The following SLIT1 variants were observed in gnomAD, a reference collection of about 807,000 sequenced individuals.
SLIT1 encodes the protein slit guidance ligand 1.
Under a neutral mutation model 186.1 loss-of-function variants are expected in SLIT1, and 66 were observed. The observed-to-expected ratio is 0.35, with a 90% confidence interval of 0.29 to 0.44. The LOEUF is 0.44. SLIT1 is among the 20% of genes least tolerant of loss of function. The pLI, the probability that SLIT1 is intolerant of heterozygous loss-of-function variation, is 1.00. For synonymous variants in SLIT1, 761 were observed against 833.8 expected (o/e 0.91, Z 1.50); for missense variants, 1,638 against 2,037.4 (o/e 0.80, Z 3.77).
chr10:97,038,377 C>T (rs182554813), intron 21 of SLIT1, among the ~76,000 whole-genome samples: 4 of 152,306 alleles, frequency 2.6e-5, no homozygotes, highest in Admixed American at 2.6e-4. Context: ...CACCCATGCC[C>T]GGGCTCCTGC....
chr10:97,002,499 C>T (rs1237754663), intron 35 of SLIT1, 130 bp from the exon 36 acceptor site: 1 of 594,174 alleles, frequency 1.7e-6, no homozygotes, highest in Non-Finnish European at 2.7e-6. Context: ...GTTCCCAAAA[C>T]TGAAACAAAG....
intron 4 of SLIT1, among the ~76,000 whole-genome samples, chr10:97,097,071 A>G (rs755797301): frequency 1.3e-5 from 2 of 152,148 alleles, no homozygotes; most frequent in Admixed American, 6.5e-5. Context: ...ACCCCAAAAG[A>G]GGCTGACCCT....
chr10:97,182,793 G>A (rs547573646), intron 1 of SLIT1, among the ~76,000 whole-genome samples: 2 of 152,198 alleles, frequency 1.3e-5, no homozygotes, highest in African/African-American at 4.8e-5. Context: ...TGCCCATATC[G>A]GGCCAGGCAT....
chr10:97,135,642 C>T (rs1849695537), intron 4 of SLIT1, among the ~76,000 whole-genome samples: 1 of 152,180 alleles, frequency 6.6e-6, no homozygotes, highest in Admixed American at 6.5e-5. Flanking sequence ...GTACCCACAG[C>T]TCAGGCGCTC....
chr10:97,115,524 C>T (rs913244666), intron 4 of SLIT1, among the ~76,000 whole-genome samples: 3 of 152,128 alleles, frequency 2.0e-5, no homozygotes, highest in African/African-American at 7.2e-5. Context: ...AAGCCTGGAG[C>T]CAGGCACCAC....
chr10:97,163,565 AG>A, intron 2 of SLIT1, 114 bp from the exon 3 acceptor site: 1 of 840,118 alleles, frequency 1.2e-6, no homozygotes, highest in South Asian at 1.4e-5. Context: ...TTAGCAAGGG[AG>A]TAAGACAGGA....
intron 4 of SLIT1, among the ~76,000 whole-genome samples, chr10:97,105,517 T>C (rs1849404630): frequency 6.6e-6 from 1 of 152,128 alleles, no homozygotes; most frequent in Non-Finnish European, 1.5e-5. Context: ...GACCGTGGTG[T>C]AATGAGAGCA....
chr10:97,014,297 T>G (rs1848436068), intron 28 of SLIT1, 139 bp from the exon 29 acceptor site: 1 of 917,314 alleles, frequency 1.1e-6, no homozygotes, highest in African/African-American at 1.6e-5. Context: ...TGGGTAGGGT[T>G]AGAGGTGACC....
At chr10:97,064,761 C>T in intron 6 of SLIT1, 44 bp downstream of exon 6, 4 of 1,473,700 alleles carry the variant, frequency 2.7e-6, no homozygotes, top group Non-Finnish European at 3.7e-6. Flanking sequence ...ACCTGCCTAG[C>T]AGGGCCCTCC....
chr10:97,004,102 G>T lies in SLIT1; in HGVS notation c.3831C>A (p.Tyr1277Ter). ...AGAGTGGCGCCTCGCTGTTGAGCGT[G>T]TAATGTTTGCCAAAGTTGTCCATGG... Reference protein sequence around the residue: ...PMTMDNFGKHYTLNSEAPLYV... With the variant: ...PMTMDNFGKH Residue 1277 changes from tyrosine (Y) to a stop codon, truncating the protein, a stop_gained, in exon 34 of 37, where the codon TAC (tyrosine) becomes TAA (stop). Transcript: ENST00000266058. LOFTEE classifies it high-confidence loss of function. This position sits in a 1 kb window ranked among gnomAD's most constrained non-coding sequence, Gnocchi z 5.1. 1 of 1,613,624 alleles carries T rather than the reference G, an allele frequency of 6.2e-7. No homozygotes were observed. Among genetic ancestry groups the T allele is most frequent in the Non-Finnish European group, 8.5e-7 (1 of 1,179,542 alleles).
chr10:97,043,466 G>A lies in SLIT1; in HGVS notation c.1901C>T (p.Thr634Met), dbSNP rs1450724275. Residue 634 changes from threonine to methionine, a missense_variant, in exon 19 of 37, where the codon ACG becomes ATG. Thr to Met is a moderately conservative substitution (Grantham distance 81). This residue lies in a region of SLIT1 where 1,245 missense variants were observed against 1,535.3 expected (regional missense o/e 0.81). Coordinates refer to ENST00000266058, the MANE Select transcript of SLIT1 (RefSeq NM_003061.3). The surrounding 1 kb of genome is among the most constrained non-coding windows in gnomAD (Gnocchi z 7.0). The part of the protein sequence containing the change: ...RISCIHNDSF[T>M]GLRNVRLLSL... ...GAGGAGCCGGACGTTGCGCAGGCCC[G>A]TGAAGCTGTCGTTGTGGATGCAGCT... The A allele has an allele frequency of 6.8e-6, 11 of 1,613,948 alleles. No individual in the cohort carries two copies. The highest frequency in any genetic ancestry group is 1.7e-5 in the Admixed American group (1 of 60,022).
intron 4 of SLIT1, among the ~76,000 whole-genome samples, chr10:97,116,398 C>T (rs1448846160): frequency 2.0e-5 from 3 of 152,156 alleles, no homozygotes; most frequent in Non-Finnish European, 4.4e-5. Context: ...CTGTCCGGAG[C>T]CCTGGGGTCA....
At position 97,179,804 on chromosome 10, in the gene SLIT1, C is replaced by CA. The variant is rs1183277776; in HGVS notation, c.197+5673_197+5674insT. 1.7e-3 allele frequency among the ~76,000 whole-genome samples: 254 copies of CA among 149,374 alleles called. 14 individuals are homozygous for CA. The highest frequency in any genetic ancestry group is 2.7e-3 in the Non-Finnish European group (180 of 66,848). The stretch of plus-strand genomic sequence containing the variant: ...AGGAGCCAATTCTCCACACCCTCCC[C>CA]GCCCCCCGGCACAGCCCAGCTCCCT... On this transcript the variant is annotated intron_variant, in intron 1 of 36. Transcript: ENST00000266058.
intron 28 of SLIT1, among the ~76,000 whole-genome samples, chr10:97,016,136 C>T (rs1489536741): frequency 6.6e-6 from 1 of 152,032 alleles, no homozygotes; most frequent in Non-Finnish European, 1.5e-5. Context: ...TGGTGAAACC[C>T]CGTCTCTACT....
intron 24 of SLIT1, 54 bp from the exon 25 acceptor site, chr10:97,030,882 T>C (rs536929814): frequency 1.3e-6 from 2 of 1,489,180 alleles, no homozygotes; most frequent in Middle Eastern, 1.7e-4. Context: ...ATGGGAGACC[T>C]GCTGGAGGGA....
At chr10:97,144,013 C>T (rs1206914294) in intron 4 of SLIT1, among the ~76,000 whole-genome samples, 1 of 152,152 alleles carries the variant, frequency 6.6e-6, no homozygotes, top group Non-Finnish European at 1.5e-5. Flanking sequence ...GCCTGGCCAA[C>T]ATGGCGAAAC....
At position 97,184,611 on chromosome 10, in the gene SLIT1, C is replaced by T. The variant is rs1342353123; in HGVS notation, c.197+867G>A. 6.6e-6 allele frequency among the ~76,000 whole-genome samples: 1 copy of T among 152,128 alleles called. No homozygotes were observed. Among genetic ancestry groups the T allele is most frequent in the Non-Finnish European group, 1.5e-5 (1 of 68,020 alleles). On this transcript the variant is annotated intron_variant, in intron 1 of 36. Coordinates refer to ENST00000266058, the MANE Select transcript of SLIT1 (RefSeq NM_003061.3). This position sits in a 1 kb window ranked among gnomAD's most constrained non-coding sequence, Gnocchi z 4.4. ...AACACACACACACACATTCTACTAG[C>T]TTACTGGGTCTAGAAAAGAAAAGGA... is the stretch of plus-strand genomic sequence containing the variant.
chr10:97,173,474 G>C (rs1466156880), intron 1 of SLIT1, among the ~76,000 whole-genome samples: 2 of 151,854 alleles, frequency 1.3e-5, no homozygotes, highest in Non-Finnish European at 2.9e-5. Context: ...ACAGGCCTGG[G>C]CTGGAATCCC....
rs191174765 is a variant in SLIT1, at chr10:97,145,518, T to C, written c.413+12300A>G. Among the ~76,000 whole-genome samples, 518 of 152,308 alleles carry C rather than the reference T, an allele frequency of 3.4e-3. 5 individuals are homozygous for C. Among genetic ancestry groups the C allele is most frequent in the African/African-American group, 0.012 (502 of 41,558 alleles). On this transcript the variant is annotated intron_variant, in intron 4 of 36. Transcript: ENST00000266058. ...AGGCACAATTCTGATGTGAGAAGCCTGACCCCTCTCTGCCGGGCTGTAGTC... is the reference window on the plus strand; with the variant it reads ...AGGCACAATTCTGATGTGAGAAGCCCGACCCCTCTCTGCCGGGCTGTAGTC...
Sources: allele counts gnomAD v4.1 joint callset (sites outside exome capture counted in the v4.1 genomes callset), GRCh38; gene constraint gnomAD v4.1.1; regional missense constraint gnomAD v4.1.1; non-coding constraint Gnocchi (gnomAD v3.1); transcripts MANE v1.5; gene names NCBI Gene and HGNC (gene_info 2026-07-23, HGNC 2026-07-21).